Variants in FBXL18 observed in about 807,000 individuals in gnomAD.
The protein encoded by FBXL18 is F-box and leucine rich repeat protein 18, also known as F-box/LRR-repeat protein 18.
In FBXL18, 36 loss-of-function variants were observed where a neutral mutation model predicts 46.0. That is an observed-to-expected ratio of 0.78 (90% CI 0.60 to 1.03). The LOEUF (loss-of-function observed/expected upper bound fraction) is 1.03. FBXL18 is among the 50% of genes least tolerant of loss of function. The probability of loss-of-function intolerance (pLI) is 0.00; values close to 1 mark genes in which losing one functional copy is unlikely to be tolerated. For synonymous variants in FBXL18, 557 were observed against 465.3 expected, an observed-to-expected ratio of 1.20 and a Z score of -2.54; for missense variants, 977 against 1,004.1, an observed-to-expected ratio of 0.97 and a Z score of 0.36.
intron 1 of FBXL18, among the ~76,000 whole-genome samples, chr7:5,511,192 T>C (rs1272597727): frequency 6.6e-6 from 1 of 151,914 alleles, no homozygotes; most frequent in African/African-American, 2.4e-5. Context: ...ATCCCAGCAC[T>C]CTGGGAAGCC....
chr7:5,513,035 A>C (rs1784580441), intron 1 of FBXL18, among the ~76,000 whole-genome samples: 1 of 152,208 alleles, frequency 6.6e-6, no homozygotes, highest in Admixed American at 6.6e-5. Flanking sequence ...GGAAGCCACT[A>C]GTCAGAGTCT....
intron 1 of FBXL18, among the ~76,000 whole-genome samples, chr7:5,508,043 C>G (rs895678155): frequency 3.3e-5 from 5 of 151,426 alleles, no homozygotes; most frequent in Admixed American, 3.3e-4. Context: ...CCAAGGCAGG[C>G]GGATCACGAA....
At chr7:5,506,994 C>G (rs557045295) in intron 1 of FBXL18, among the ~76,000 whole-genome samples, 1 of 152,288 alleles carries the variant, frequency 6.6e-6, no homozygotes, top group South Asian at 2.1e-4. Flanking sequence ...GACATGAAGT[C>G]CCCAGATCGG....
rs1426238690 is a variant in FBXL18 at position 5,496,505 on chromosome 7, G to A, written c.1781+3983C>T. Among the ~76,000 whole-genome samples the A allele has an allele frequency of 6.6e-6, 1 of 151,946 alleles. No individual in the cohort carries two copies. The highest frequency in any genetic ancestry group is 1.5e-5 in the Non-Finnish European group (1 of 68,000). On this transcript the variant is annotated intron_variant, in intron 3 of 4. Coordinates refer to ENST00000382368, the MANE Select transcript of FBXL18 (RefSeq NM_024963.6). This position sits in a 1 kb window ranked among gnomAD's most constrained non-coding sequence, Gnocchi z 4.8. ...GGCTAAAGGCCACCTATGAGCTGAG[G>A]ACGCCAAAGCAACTCTCCCAGGCCA...
rs1390705555 is a variant in FBXL18 at position 5,500,540 on chromosome 7, T to G, written c.1729A>C (p.Met577Leu). 6.2e-7 allele frequency: 1 copy of G among 1,613,270 alleles called. No individual in the cohort carries two copies. The highest frequency in any genetic ancestry group is 1.7e-5 in the Admixed American group (1 of 59,958). The change falls in exon 3 of 5, where the codon ATG (methionine) becomes CTG (leucine). Residue 577 changes from methionine (M) to leucine (L), a missense_variant. Physicochemically the swap from Met to Leu is conservative, Grantham distance 15 (BLOSUM62 2). Coordinates refer to ENST00000382368, the MANE Select transcript of FBXL18 (RefSeq NM_024963.6). ...TTCAACATGTCTGAGAGCGCGGGCA[T>G]GTACACCACCTTCCCCATCATGCCC... ...NLGMMGKVVY[M>L]PALSDMLKHC...
At chr7:5,464,027 C>T (rs958712023) in intron 4 of FBXL18, among the ~76,000 whole-genome samples, 1 of 151,918 alleles carries the variant, frequency 6.6e-6, no homozygotes, top group Non-Finnish European at 1.5e-5. Flanking sequence ...TGTGAGCCAC[C>T]GCGCACCTGG....
intron 3 of FBXL18, among the ~76,000 whole-genome samples, chr7:5,497,451 C>T (rs1784111921): frequency 6.6e-6 from 1 of 152,176 alleles, no homozygotes; most frequent in African/African-American, 2.4e-5. Flanking sequence ...ACAGAGGCTT[C>T]TAGCAATCTG....
intron 1 of FBXL18, among the ~76,000 whole-genome samples, chr7:5,509,636 A>T (rs1352332839): frequency 6.8e-6 from 1 of 146,496 alleles, no homozygotes; most frequent in Non-Finnish European, 1.5e-5. Context: ...TGGGAGGTGG[A>T]GTTTGCAGTG....
chr7:5,513,004 G>C (rs1261199621), intron 1 of FBXL18, among the ~76,000 whole-genome samples: 3 of 152,182 alleles, frequency 2.0e-5, no homozygotes, highest in South Asian at 2.1e-4. Flanking sequence ...TGCCCATACA[G>C]ATAGGCAGGA....
chr7:5,458,370 A>C (rs1174391154), intron 4 of FBXL18, among the ~76,000 whole-genome samples: 4 of 151,950 alleles, frequency 2.6e-5, no homozygotes, highest in Non-Finnish European at 4.4e-5. Flanking sequence ...TTCGAGACCA[A>C]CCTGGCCAAC....
At chr7:5,483,461 G>A (rs1026606352) in intron 4 of FBXL18, among the ~76,000 whole-genome samples, 11 of 136,848 alleles carry the variant, frequency 8.0e-5, no homozygotes, top group Non-Finnish European at 1.4e-4. Flanking sequence ...AAAAAAAATC[G>A]AGGCTGAGCG....
chr7:5,510,714 A>T (rs922036502), intron 1 of FBXL18, among the ~76,000 whole-genome samples: 2 of 151,120 alleles, frequency 1.3e-5, no homozygotes, highest in African/African-American at 4.9e-5. Flanking sequence ...AATCTAGGTA[A>T]CTGGCTGGAG....
chr7:5,506,677 C>T (rs1784403626), intron 1 of FBXL18, among the ~76,000 whole-genome samples: 1 of 152,088 alleles, frequency 6.6e-6, no homozygotes, highest in African/African-American at 2.4e-5. Context: ...GTGCCTCAGC[C>T]TCCTGAGTAC....
intron 4 of FBXL18, among the ~76,000 whole-genome samples, chr7:5,483,857 C>T (rs905731100): frequency 6.6e-6 from 1 of 152,156 alleles, no homozygotes; most frequent in East Asian, 1.9e-4. Context: ...TAAGTCAAGT[C>T]CCCCCGGCCA....
At chr7:5,511,834 C>T (rs1784542203) in intron 1 of FBXL18, among the ~76,000 whole-genome samples, 2 of 151,510 alleles carry the variant, frequency 1.3e-5, no homozygotes, top group African/African-American at 4.9e-5. Context: ...AGAACCCTAA[C>T]CTGGGCTGGG....
In FBXL18 at chr7:5,500,859, C is replaced by G. The variant is rs752963580; in HGVS notation, c.1410G>C (p.Gln470His). 2 of 1,606,338 alleles carry G rather than the reference C, an allele frequency of 1.2e-6. No individual in the cohort carries two copies. Among genetic ancestry groups the G allele is most frequent in the South Asian group, 2.2e-5 (2 of 90,284 alleles). ...GCAGAGACCAGAACACGGAGGAGGG[C>G]TGGGGGCACGCCTGGCCCGAGAAGG... Reference protein sequence around the residue: ...PSPFSGQACPQPSSVFWSLLK... With the variant: ...PSPFSGQACPHPSSVFWSLLK... The change falls in exon 3 of 5, where the codon CAG (glutamine) becomes CAC (histidine). Residue 470 changes from glutamine to histidine, a missense_variant. By Grantham distance (24) the Gln-to-His change is conservative. Coordinates refer to ENST00000382368, the MANE Select transcript of FBXL18 (RefSeq NM_024963.6).
At chr7:5,462,031 C>A (rs1396528221) in intron 4 of FBXL18, among the ~76,000 whole-genome samples, 1 of 152,036 alleles carries the variant, frequency 6.6e-6, no homozygotes, top group Admixed American at 6.6e-5. Context: ...CACCTGAGGT[C>A]GAGTTCGAGA....
intron 1 of FBXL18, among the ~76,000 whole-genome samples, chr7:5,511,749 C>G (rs1318184222): frequency 1.4e-5 from 2 of 145,866 alleles, no homozygotes; most frequent in Non-Finnish European, 3.0e-5. Context: ...ACCTGGGCGA[C>G]AGAGCGAGAC....
intron 4 of FBXL18, among the ~76,000 whole-genome samples, chr7:5,461,406 T>C (rs1783244889): frequency 4.6e-5 from 7 of 152,104 alleles, no homozygotes; most frequent in Middle Eastern, 6.8e-3. Context: ...ACAAAAGTAA[T>C]TGTGATTTTT....
Sources: allele counts gnomAD v4.1 joint callset (sites outside exome capture counted in the v4.1 genomes callset), GRCh38; gene constraint gnomAD v4.1.1; non-coding constraint Gnocchi (gnomAD v3.1); transcripts MANE v1.5; gene names NCBI Gene and HGNC (gene_info 2026-07-23, HGNC 2026-07-21).